Variants in TAFA2 observed in about 807,000 individuals in gnomAD.
TAFA2 encodes the protein TAFA chemokine like family member 2.
A neutral mutation model predicts 18.8 loss-of-function variants in TAFA2; 7 were observed. The observed-to-expected ratio is 0.37, with a 90% confidence interval of 0.21 to 0.70. The LOEUF is 0.70. TAFA2 is among the 30% of genes least tolerant of loss of function. TAFA2 has a pLI of 0.53. For missense variants in TAFA2, 122 were observed against 158.1 expected (o/e 0.77, Z 1.23); for synonymous variants, 60 against 54.2 (o/e 1.11, Z -0.47).
chr12:61,957,514 G>A (rs2121469041), intron 1 of TAFA2, among the ~76,000 whole-genome samples: 2 of 152,144 alleles, frequency 1.3e-5, no homozygotes, highest in South Asian at 4.2e-4. Context: ...TGAGGAACTT[G>A]GTTAGATATC....
chr12:61,721,804 A>G (rs1386784340), intron 4 of TAFA2, among the ~76,000 whole-genome samples: 1 of 152,094 alleles, frequency 6.6e-6, no homozygotes, highest in Non-Finnish European at 1.5e-5. Flanking sequence ...AAAAGTACAA[A>G]AAATTAGCTG....
At chr12:62,238,564 T>TA (rs1267212211) in intron 1 of TAFA2, among the ~76,000 whole-genome samples, 2 of 152,336 alleles carry the variant, frequency 1.3e-5, no homozygotes, top group East Asian at 3.9e-4. Context: ...GAGAGATAAG[T>TA]AACTTGCCCA....
At chr12:62,043,252 G>T (rs1409531484) in intron 1 of TAFA2, among the ~76,000 whole-genome samples, 1 of 152,098 alleles carries the variant, frequency 6.6e-6, no homozygotes, top group Non-Finnish European at 1.5e-5. Flanking sequence ...AGAAAATGTG[G>T]CACATATACA....
At chr12:61,732,528 C>T (rs984244786) in intron 4 of TAFA2, among the ~76,000 whole-genome samples, 15 of 152,064 alleles carry the variant, frequency 9.9e-5, no homozygotes, top group African/African-American at 3.6e-4. Flanking sequence ...CAGAAAGCCT[C>T]ATGCTTGGAA....
intron 2 of TAFA2, among the ~76,000 whole-genome samples, chr12:61,774,330 TATCC>T (rs1427013440): frequency 2.0e-5 from 3 of 151,860 alleles, no homozygotes; most frequent in Non-Finnish European, 4.4e-5. Context: ...TCCTGGTATC[TATCC>T]AGATGAAAAG....
At chr12:62,028,023 T>C (rs1881353656) in intron 1 of TAFA2, among the ~76,000 whole-genome samples, 1 of 152,184 alleles carries the variant, frequency 6.6e-6, no homozygotes, top group Non-Finnish European at 1.5e-5. Flanking sequence ...GTTTCCTAAC[T>C]CATCTGCTAT....
intron 1 of TAFA2, among the ~76,000 whole-genome samples, chr12:61,885,549 C>A (rs1261802806): frequency 1.3e-5 from 2 of 152,170 alleles, no homozygotes; most frequent in Non-Finnish European, 2.9e-5. Flanking sequence ...GGACACTATC[C>A]AATTTGTGGA....
chr12:62,114,872 C>T (rs1146084), intron 1 of TAFA2, among the ~76,000 whole-genome samples: 141,581 of 152,202 alleles, frequency 0.93, 65,888 homozygotes, highest in Non-Finnish European at 0.94. Flanking sequence ...TTCATAGCAC[C>T]AAGGGTCCCC....
chr12:62,065,687 T>A (rs1882466520), intron 1 of TAFA2, among the ~76,000 whole-genome samples: 2 of 151,868 alleles, frequency 1.3e-5, no homozygotes, highest in Non-Finnish European at 2.9e-5. Context: ...GAACTGTGTA[T>A]GCTGATAAAA....
In TAFA2 at chr12:62,114,053, T is replaced by G. The variant is rs534353477; in HGVS notation, c.-2+77206A>C. 3.3e-5 allele frequency among the ~76,000 whole-genome samples: 5 copies of G among 152,318 alleles called. No individual in the cohort carries two copies. The East Asian group carries it at 9.7e-4, about 29-fold the overall frequency. On this transcript the variant is annotated intron_variant, in intron 1 of 4. Transcript: ENST00000416284. ...CACCAGGGTGTGAAAAAAAACCTCCTGCAGCAGCTCGGTGTCTGCCCAAAC... is the reference window on the plus strand; with the variant it reads ...CACCAGGGTGTGAAAAAAAACCTCCGGCAGCAGCTCGGTGTCTGCCCAAAC...
At chr12:62,136,327 T>C (rs975073337) in intron 1 of TAFA2, among the ~76,000 whole-genome samples, 2 of 152,140 alleles carry the variant, frequency 1.3e-5, no homozygotes, top group African/African-American at 4.8e-5. Flanking sequence ...GCTAAATAGA[T>C]ATAAATCTAG....
intron 1 of TAFA2, among the ~76,000 whole-genome samples, chr12:62,118,880 T>C (rs934142564): frequency 2.6e-5 from 4 of 152,148 alleles, no homozygotes; most frequent in African/African-American, 9.6e-5. Flanking sequence ...TGTCAACTAG[T>C]TTGTGACAGT....
At chr12:62,130,927 G>C (rs776526398) in intron 1 of TAFA2, among the ~76,000 whole-genome samples, 7 of 151,948 alleles carry the variant, frequency 4.6e-5, no homozygotes, top group Non-Finnish European at 7.4e-5. Context: ...CATGTCAGTG[G>C]CTAGCAAACT....
intron 2 of TAFA2, among the ~76,000 whole-genome samples, chr12:61,818,556 A>G (rs1318975668): frequency 1.3e-5 from 2 of 151,622 alleles, no homozygotes; most frequent in Non-Finnish European, 2.9e-5. Context: ...TTGTATACCC[A>G]TGTATAGAGC....
intron 1 of TAFA2, among the ~76,000 whole-genome samples, chr12:62,057,457 A>T (rs1392281842): frequency 6.6e-6 from 1 of 151,932 alleles, no homozygotes; most frequent in Non-Finnish European, 1.5e-5. Context: ...TCTAATTATG[A>T]TTATATGAGG....
intron 1 of TAFA2, among the ~76,000 whole-genome samples, chr12:62,120,168 A>G (rs566314005): frequency 6.6e-4 from 101 of 152,320 alleles, no homozygotes; most frequent in African/African-American, 2.4e-3. Context: ...GATACTGTAA[A>G]GAACAAAAAT....
intron 1 of TAFA2, among the ~76,000 whole-genome samples, chr12:61,967,138 A>G (rs1476026105): frequency 6.6e-6 from 1 of 151,824 alleles, no homozygotes; most frequent in Non-Finnish European, 1.5e-5. Flanking sequence ...TTCAGCGAAG[A>G]TGTGACATTT....
At chr12:61,820,861 G>A (rs1872291052) in intron 2 of TAFA2, among the ~76,000 whole-genome samples, 2 of 151,956 alleles carry the variant, frequency 1.3e-5, no homozygotes, top group African/African-American at 4.8e-5. Context: ...CTATACAATT[G>A]TTTTAACAAA....
intron 1 of TAFA2, among the ~76,000 whole-genome samples, chr12:61,908,854 A>G (rs1876481178): frequency 6.6e-6 from 1 of 152,196 alleles, no homozygotes; most frequent in African/African-American, 2.4e-5. Context: ...CCATTCCAAT[A>G]TTTAACTGTA....
Sources: gnomAD v4.1 joint callset for allele counts (sites outside exome capture counted in the v4.1 genomes callset) on GRCh38, gnomAD v4.1.1 for gene constraint, MANE v1.5 for transcripts, NCBI Gene and HGNC (gene_info 2026-07-23, HGNC 2026-07-21) for gene names.